TTC7B: variants seen among roughly 807,000 people sequenced by gnomAD.
TTC7B encodes tetratricopeptide repeat protein 7B.
In TTC7B, 28 loss-of-function variants were observed where a neutral mutation model predicts 106.8. That is an observed-to-expected ratio of 0.26 (90% CI 0.19 to 0.36). TTC7B has a LOEUF of 0.36. TTC7B is among the 10% of genes least tolerant of loss of function. The probability of loss-of-function intolerance (pLI) is 1.00; values close to 1 mark genes in which losing one functional copy is unlikely to be tolerated. For synonymous variants in TTC7B, 405 were observed against 430.6 expected (o/e 0.94, Z 0.74); for missense variants, 862 against 1,076.4 (o/e 0.80, Z 2.79).
At chr14:90,724,293 C>G (rs1256799617) in intron 5 of TTC7B, among the ~76,000 whole-genome samples, 1 of 152,178 alleles carries the variant, frequency 6.6e-6, no homozygotes, top group Non-Finnish European at 1.5e-5. Context: ...CTCAGTTCTC[C>G]ATGAATTCTA....
chr14:90,613,207 G>A (rs1892943706), intron 16 of TTC7B, among the ~76,000 whole-genome samples: 1 of 152,006 alleles, frequency 6.6e-6, no homozygotes, highest in African/African-American at 2.4e-5. Flanking sequence ...ATCAGCCTGG[G>A]CAACATAGCA....
intron 3 of TTC7B, 70 bp from the exon 4 acceptor site, chr14:90,744,992 C>A: frequency 6.7e-7 from 1 of 1,495,334 alleles, no homozygotes; most frequent in Non-Finnish European, 9.2e-7. Context: ...AAATATTGCT[C>A]TAGAGGGCCA....
chr14:90,687,436 T>C (rs1286499911), intron 7 of TTC7B, among the ~76,000 whole-genome samples: 2 of 152,184 alleles, frequency 1.3e-5, no homozygotes, highest in African/African-American at 4.8e-5. Context: ...TGTGAGCTTC[T>C]CTGCCTTCAA....
At chr14:90,593,865 T>C (rs73326811) in intron 17 of TTC7B, 3,831 of 375,864 alleles carry the variant, frequency 0.01, 123 homozygotes, top group African/African-American at 0.074. Flanking sequence ...GAGCTCAGCC[T>C]AGCGGTGTGA....
chr14:90,606,754 C>G (rs973735149), intron 17 of TTC7B, among the ~76,000 whole-genome samples: 8 of 152,184 alleles, frequency 5.3e-5, no homozygotes, highest in Non-Finnish European at 1.2e-4. Flanking sequence ...CAAAATTCCA[C>G]TCTATTAGCT....
At chr14:90,670,781 C>T (rs1240260062) in intron 9 of TTC7B, among the ~76,000 whole-genome samples, 3 of 152,150 alleles carry the variant, frequency 2.0e-5, no homozygotes, top group Admixed American at 1.3e-4. Context: ...TCCTATTGAG[C>T]CGACTCACAA....
chr14:90,706,445 G>A (rs112523786), intron 5 of TTC7B, among the ~76,000 whole-genome samples: 2 of 152,262 alleles, frequency 1.3e-5, no homozygotes, highest in African/African-American at 4.8e-5. Context: ...TTACAGGGGT[G>A]AGCCACCACA....
At chr14:90,696,341 C>T (rs151204436) in intron 5 of TTC7B, among the ~76,000 whole-genome samples, 66 of 152,318 alleles carry the variant, frequency 4.3e-4, no homozygotes, top group African/African-American at 1.6e-3. Context: ...CTGCATCCAG[C>T]CTGCTGAGCT....
Position 90,577,102 on chromosome 14 carries a change from C to T in TTC7B, c.2310+1004G>A, listed in dbSNP as rs542917924. ...TCTGGTTATGGGTGCTAAGCCTCCA[C>T]GGGTGCGGACACGAAGGGCCCTGAG... is the stretch of plus-strand genomic sequence containing the variant. On this transcript the variant is annotated intron_variant, in intron 19 of 19. Transcript: ENST00000328459. The surrounding 1 kb of genome is among the most constrained non-coding windows in gnomAD (Gnocchi z 5.0). 5.9e-5 allele frequency among the ~76,000 whole-genome samples: 9 copies of T among 152,306 alleles called. No individual in the cohort carries two copies. In the South Asian group the frequency reaches 1.0e-3, roughly 18 times the overall value.
chr14:90,594,382 G>A (rs1217460925), intron 17 of TTC7B, among the ~76,000 whole-genome samples: 1 of 151,996 alleles, frequency 6.6e-6, no homozygotes, highest in Non-Finnish European at 1.5e-5. Context: ...TTGGGGGAGT[G>A]CACAAGTCAA....
intron 12 of TTC7B, among the ~76,000 whole-genome samples, 171 bp downstream of exon 12, chr14:90,654,818 CCCAT>C (rs1263435786): frequency 6.6e-6 from 1 of 152,188 alleles, no homozygotes; most frequent in Non-Finnish European, 1.5e-5. Context: ...CTCCCATTCT[CCCAT>C]CAGACCAAGC....
chr14:90,789,882 C>T (rs1403418075), intron 1 of TTC7B, among the ~76,000 whole-genome samples: 1 of 144,970 alleles, frequency 6.9e-6, no homozygotes, highest in Non-Finnish European at 1.5e-5. Context: ...GGCAACAGAG[C>T]GAGACTCTGT....
chr14:90,680,626 T>C, intron 7 of TTC7B, 91 bp from the exon 8 acceptor site: 1 of 861,258 alleles, frequency 1.2e-6, no homozygotes, highest in Non-Finnish European at 1.9e-6. Flanking sequence ...TCCAGAATTT[T>C]ATATAATACC....
At chr14:90,689,935 C>G (rs947769987) in intron 6 of TTC7B, among the ~76,000 whole-genome samples, 2 of 152,170 alleles carry the variant, frequency 1.3e-5, no homozygotes, top group African/African-American at 4.8e-5. Context: ...GGTTCATGTA[C>G]TTCAAATGCC....
intron 3 of TTC7B, among the ~76,000 whole-genome samples, chr14:90,760,573 G>T (rs1239454925): frequency 6.6e-6 from 1 of 152,142 alleles, no homozygotes; most frequent in Non-Finnish European, 1.5e-5. Context: ...ATGTAAATCC[G>T]GCACAAATGT....
chr14:90,756,899 G>A (rs761713762), intron 3 of TTC7B, among the ~76,000 whole-genome samples: 18 of 152,088 alleles, frequency 1.2e-4, no homozygotes, highest in Non-Finnish European at 1.0e-4. Context: ...ATATGAATAT[G>A]GGTCAGTGGC....
intron 5 of TTC7B, among the ~76,000 whole-genome samples, chr14:90,705,366 A>T (rs1442074064): frequency 6.6e-6 from 1 of 152,130 alleles, no homozygotes; most frequent in African/African-American, 2.4e-5. Context: ...GTTACTCGCA[A>T]CTGATAAGGA....
intron 3 of TTC7B, among the ~76,000 whole-genome samples, chr14:90,746,533 G>T (rs1488867420): frequency 2.0e-5 from 3 of 151,914 alleles, no homozygotes; most frequent in Non-Finnish European, 4.4e-5. Context: ...ATTGACTTTG[G>T]TTTCATTGAT....
At chr14:90,713,894 C>T (rs750284036) in intron 5 of TTC7B, among the ~76,000 whole-genome samples, 3 of 152,158 alleles carry the variant, frequency 2.0e-5, no homozygotes, top group South Asian at 4.1e-4. Context: ...ATACATGCTA[C>T]GATGGGAGTG....
Sources: gnomAD v4.1 joint callset for allele counts (sites outside exome capture counted in the v4.1 genomes callset) on GRCh38, gnomAD v4.1.1 for gene constraint, Gnocchi (gnomAD v3.1) non-coding constraint, MANE v1.5 for transcripts, NCBI Gene and HGNC (gene_info 2026-07-23, HGNC 2026-07-21) for gene names.